The following VAPA variants were observed in gnomAD, a reference collection of about 807,000 sequenced individuals.
VAPA encodes VAMP associated protein A.
In VAPA, 6 loss-of-function variants were observed where a neutral mutation model predicts 25.6. The ratio of observed to expected loss-of-function variants is 0.23; its 90% CI spans 0.13 to 0.46. The LOEUF is 0.46. Among genes scored for constraint, VAPA ranks in the 20% least tolerant of loss-of-function variants. VAPA has a pLI of 0.99. For synonymous variants in VAPA, 112 were observed against 106.2 expected, an observed-to-expected ratio of 1.05 and a Z score of -0.34; for missense variants, 244 against 302.1, an observed-to-expected ratio of 0.81 and a Z score of 1.43.
chr18:9,920,594 A>G (rs1010780691), intron 1 of VAPA, among the ~76,000 whole-genome samples: 1 of 152,218 alleles, frequency 6.6e-6, no homozygotes, highest in African/African-American at 2.4e-5. Flanking sequence ...CACTGTGCCC[A>G]GCCTCCTTTA....
At chr18:9,927,993 G>A (rs913412626) in intron 1 of VAPA, among the ~76,000 whole-genome samples, 4 of 152,038 alleles carry the variant, frequency 2.6e-5, no homozygotes, top group Non-Finnish European at 4.4e-5. Flanking sequence ...TAAATGTAAC[G>A]TATGCAGTTT....
chr18:9,932,083 C>T, intron 2 of VAPA, 121 bp downstream of exon 2: 2 of 732,112 alleles, frequency 2.7e-6, no homozygotes, highest in Non-Finnish European at 4.2e-6. Context: ...CTGGTTTTGC[C>T]TTTAAAGATG....
intron 4 of VAPA, among the ~76,000 whole-genome samples, chr18:9,940,358 G>C (rs1184232957): frequency 2.6e-5 from 4 of 152,090 alleles, no homozygotes; most frequent in African/African-American, 9.7e-5. Context: ...CTGGAAAGAA[G>C]CTCAGGGCCA....
intron 1 of VAPA, among the ~76,000 whole-genome samples, chr18:9,922,161 A>C (rs1263005314): frequency 6.6e-6 from 1 of 152,156 alleles, no homozygotes; most frequent in East Asian, 1.9e-4. Flanking sequence ...TTGTAGAGAC[A>C]GTCTTGCTAT....
chr18:9,953,746 A>T (rs1316446443), intron 5 of VAPA, among the ~76,000 whole-genome samples: 1 of 152,224 alleles, frequency 6.6e-6, no homozygotes, highest in Non-Finnish European at 1.5e-5. Flanking sequence ...CTTTTTAGGA[A>T]TACATTTCTC....
chr18:9,914,831 G>C (rs182126035), intron 1 of VAPA: 1,568 of 152,736 alleles, frequency 0.01, 35 homozygotes, highest in African/African-American at 0.036. Flanking sequence ...TGTCAGCGGC[G>C]CGGGGAGGCT....
At chr18:9,952,084 T>C (rs554517086) in intron 5 of VAPA, among the ~76,000 whole-genome samples, 11 of 152,340 alleles carry the variant, frequency 7.2e-5, no homozygotes, top group Admixed American at 5.9e-4. Flanking sequence ...CAAAAGCCAC[T>C]GTTTACCTCT....
chr18:9,947,576 C>T (rs1297555243), intron 4 of VAPA: 1 of 152,174 alleles, frequency 6.6e-6, no homozygotes, highest in East Asian at 1.9e-4. Context: ...CACACCTTGA[C>T]CTTCCAGCTT....
intron 3 of VAPA, 56 bp from the exon 4 acceptor site, chr18:9,936,930 C>A: frequency 6.5e-7 from 1 of 1,528,144 alleles, no homozygotes; most frequent in Non-Finnish European, 9.0e-7. Context: ...TGAGGTGAAA[C>A]TTACTTACCA....
Position 9,926,004 on chromosome 18 carries a change from T to C in VAPA, c.80-5806T>C, listed in dbSNP as rs140811675. Among the ~76,000 whole-genome samples the C allele has an allele frequency of 5.3e-3, 802 of 152,250 alleles. 6 individuals are homozygous for C. Among genetic ancestry groups the C allele is most frequent in the Middle Eastern group, 0.014 (4 of 294 alleles). On this transcript the variant is annotated intron_variant, in intron 1 of 5. Coordinates refer to ENST00000400000, the MANE Select transcript of VAPA (RefSeq NM_194434.3). ...TTCCCACTTTCATTGCTTTGAGTTA[T>C]ATGACCTTGGACTACTGTTTACCTT...
intron 4 of VAPA, among the ~76,000 whole-genome samples, chr18:9,943,543 T>C (rs539915473): frequency 6.6e-6 from 1 of 152,314 alleles, no homozygotes; most frequent in East Asian, 1.9e-4. Context: ...TTCCCTGTAT[T>C]GTTGACAGCT....
intron 1 of VAPA, among the ~76,000 whole-genome samples, chr18:9,928,262 T>C (rs549614358): frequency 1.6e-4 from 25 of 152,280 alleles, no homozygotes; most frequent in African/African-American, 5.8e-4. Flanking sequence ...TTTTCAATTT[T>C]TCAAGGTTAT....
At chr18:9,935,708 T>C (rs1156863830) in intron 2 of VAPA, among the ~76,000 whole-genome samples, 1 of 152,246 alleles carries the variant, frequency 6.6e-6, no homozygotes, top group Non-Finnish European at 1.5e-5. Flanking sequence ...TAATAACTTA[T>C]ATTTAATCTG....
intron 4 of VAPA, 151 bp downstream of exon 4, chr18:9,937,217 C>CT (rs2069320148): frequency 1.2e-4 from 24 of 207,756 alleles, no homozygotes; most frequent in African/African-American, 1.1e-3. Context: ...ACTTGGTATG[C>CT]CTTTTTTTTT....
intron 4 of VAPA, chr18:9,945,129 C>T: frequency 2.0e-6 from 3 of 1,520,812 alleles, no homozygotes; most frequent in Non-Finnish European, 2.7e-6. Context: ...AGATACCTAG[C>T]AGATAAGTGG....
chr18:9,935,547 C>T (rs969841078), intron 2 of VAPA, among the ~76,000 whole-genome samples: 3 of 152,164 alleles, frequency 2.0e-5, no homozygotes, highest in East Asian at 1.9e-4. Context: ...TGCACTGCAG[C>T]GCAGCCTCAG....
rs911061562 is a variant in VAPA, at chr18:9,956,573, G to T, written c.*2362G>T. ...TTAACTGTTGTTCATATCAGGAGAT[G>T]CTCTGATTGTATAGGTGAGACTCTG... On this transcript the variant is annotated 3_prime_UTR_variant, in exon 6 of 6. Coordinates refer to ENST00000400000, the MANE Select transcript of VAPA (RefSeq NM_194434.3). The T allele has an allele frequency of 8.5e-5, 13 of 152,598 alleles. No individual in the cohort carries two copies. Among genetic ancestry groups the T allele is most frequent in the African/African-American group, 3.1e-4 (13 of 41,436 alleles). 9.5% of individuals were successfully genotyped at this position (152,598 alleles called of 1,614,324 possible).
At chr18:9,925,589 A>T (rs1159943624) in intron 1 of VAPA, among the ~76,000 whole-genome samples, 2 of 152,162 alleles carry the variant, frequency 1.3e-5, no homozygotes, top group Non-Finnish European at 2.9e-5. Context: ...TACAGCAGCT[A>T]ACGAAACAAA....
chr18:9,943,126 T>TC (rs1195431357), intron 4 of VAPA, among the ~76,000 whole-genome samples: 3 of 152,192 alleles, frequency 2.0e-5, no homozygotes, highest in South Asian at 4.1e-4. Context: ...AGGTTTGTGG[T>TC]CATCTTATAG....
Sources: gnomAD v4.1 joint callset for allele counts (sites outside exome capture counted in the v4.1 genomes callset) on GRCh38, gnomAD v4.1.1 for gene constraint, MANE v1.5 for transcripts, NCBI Gene and HGNC (gene_info 2026-07-23, HGNC 2026-07-21) for gene names.